BCORL1: variants seen among roughly 807,000 people sequenced by gnomAD.
BCORL1 encodes BCL-6 corepressor-like protein 1.
BCORL1 carries 7 observed loss-of-function variants against 87.6 expected under a neutral mutation model. That is an observed-to-expected ratio of 0.08 (90% CI 0.05 to 0.15). The LOEUF (loss-of-function observed/expected upper bound fraction) is 0.15. Among genes scored for constraint, BCORL1 ranks in the 10% least tolerant of loss-of-function variants. The pLI, the probability that BCORL1 is intolerant of heterozygous loss-of-function variation, is 1.00. For synonymous variants in BCORL1, 591 were observed against 634.4 expected, an observed-to-expected ratio of 0.93 and a Z score of 1.03; for missense variants, 1,215 against 1,499.7, an observed-to-expected ratio of 0.81 and a Z score of 3.13.
chrX:130,052,026 C>G lies in BCORL1; in HGVS notation c.5075+10C>G. ...TGTCAGTGTCCCGCGGGTAAGTGTC[C>G]GAGAGATCCACGGTGACTGAGTGTC... On this transcript the variant is annotated intron_variant, in intron 13 of 13. Coordinates refer to ENST00000540052, the MANE Select transcript of BCORL1 (RefSeq NM_001379451.1). 8.5e-7 allele frequency: 1 copy of G among 1,177,297 alleles called. No homozygotes were observed. Among genetic ancestry groups the G allele is most frequent in the Non-Finnish European group, 1.1e-6 (1 of 876,397 alleles).
intron 1 of BCORL1, among the ~76,000 whole-genome samples, chrX:129,992,477 C>T (rs778282715): frequency 9.9e-5 from 11 of 111,538 alleles, no homozygotes; most frequent in African/African-American, 3.6e-4. Context: ...ACTCTTTGAG[C>T]TAATACTGTT....
At chrX:129,994,521 C>T (rs182220899) in intron 1 of BCORL1, among the ~76,000 whole-genome samples, 3 of 111,287 alleles carry the variant, frequency 2.7e-5, no homozygotes, top group East Asian at 2.8e-4. Context: ...CCTCCTGAGG[C>T]GACTACTTTG....
chrX:130,014,050 G>A lies in BCORL1; in HGVS notation c.1278G>A (p.Gln426=). The part of the protein sequence containing the change: ...SLSRVCFPAA[Q]APAMQKVPLS... ...GTAGAGTGTGCTTTCCTGCAGCTCA[G>A]GCACCAGCTATGCAAAAAGTCCCCC... is the stretch of plus-strand genomic sequence containing the variant. Residue 426 remains glutamine, a synonymous_variant, in exon 4 of 14, where the codon CAG becomes CAA. Coordinates refer to ENST00000540052, the MANE Select transcript of BCORL1 (RefSeq NM_001379451.1). 8.3e-7 allele frequency: 1 copy of A among 1,208,650 alleles called. No individual in the cohort carries two copies. Among genetic ancestry groups the A allele is most frequent in the African/African-American group, 1.7e-5 (1 of 57,556 alleles).
At position 130,017,227 on chromosome X, in the gene BCORL1, C is replaced by T. The variant is rs185675258; in HGVS notation, c.3441+1014C>T. On this transcript the variant is annotated intron_variant, in intron 4 of 13. Coordinates refer to ENST00000540052, the MANE Select transcript of BCORL1 (RefSeq NM_001379451.1). The stretch of plus-strand genomic sequence containing the variant: ...GACCTCTGCCCCATCGCCCAAAGCT[C>T]ACCCAGGGACTGCAGGTTAAGAACC... Among the ~76,000 whole-genome samples the T allele has an allele frequency of 2.7e-4, 30 of 111,002 alleles. No homozygotes were observed. In the East Asian group the frequency reaches 8.2e-3, roughly 30 times the overall value.
chrX:130,017,048 T>A (rs1256324385), intron 4 of BCORL1, among the ~76,000 whole-genome samples: 1 of 112,177 alleles, frequency 8.9e-6, no homozygotes, highest in African/African-American at 3.2e-5. Flanking sequence ...GGGACAAAAT[T>A]TCTGGCTAGA....
At position 129,999,297 on chromosome X, in the gene BCORL1, C is replaced by CTTTTTT. The variant is rs1213156086; in HGVS notation, c.-44-5867_-44-5862dup. ...ACTTGTACTTTGTGTTGAAACACAT[C>CTTTTTT]TTTTTTTTTTTTTTTTTTTTTTTTT... On this transcript the variant is annotated intron_variant, in intron 1 of 13. Transcript: ENST00000540052. Among the ~76,000 whole-genome samples, 11 of 39,108 alleles carry CTTTTTT rather than the reference C, an allele frequency of 2.8e-4. 1 individual carries two copies. The highest frequency in any genetic ancestry group is 3.4e-4 in the African/African-American group (3 of 8,885). 34.0% of individuals were successfully genotyped at this position (39,108 alleles called of 115,157 possible).
chrX:130,030,679 C>T (rs1463343927), intron 8 of BCORL1, among the ~76,000 whole-genome samples: 2 of 111,241 alleles, frequency 1.8e-5, no homozygotes, highest in Non-Finnish European at 3.8e-5. Flanking sequence ...GCGTCTCAGG[C>T]TCCTGCTCCC....
intron 1 of BCORL1, among the ~76,000 whole-genome samples, chrX:129,999,379 G>T (rs757006780): frequency 2.1e-5 from 2 of 97,019 alleles, no homozygotes; most frequent in South Asian, 5.0e-4. Flanking sequence ...CGCCATCTCG[G>T]CTCACTGCAA....
At chrX:130,039,554 G>A (rs1931193426) in intron 11 of BCORL1, among the ~76,000 whole-genome samples, 1 of 113,280 alleles carries the variant, frequency 8.8e-6, no homozygotes, top group Non-Finnish European at 1.9e-5. Context: ...TAGGGATCTA[G>A]GGTGGGCCTC....
chrX:130,024,954 A>T, intron 6 of BCORL1, 36 bp from the exon 7 acceptor site: 1 of 1,189,758 alleles, frequency 8.4e-7, no homozygotes, highest in Non-Finnish European at 1.1e-6. Context: ...TCCTTTGAAG[A>T]AGTACCTGAC....
At chrX:130,035,717 G>A (rs1930897249) in intron 9 of BCORL1, among the ~76,000 whole-genome samples, 2 of 112,179 alleles carry the variant, frequency 1.8e-5, no homozygotes, top group Admixed American at 9.4e-5. Context: ...AATCCCTGCC[G>A]TCAAGGTTAA....
At chrX:129,999,961 A>T (rs1927914456) in intron 1 of BCORL1, among the ~76,000 whole-genome samples, 1 of 111,281 alleles carries the variant, frequency 9.0e-6, no homozygotes, top group Non-Finnish European at 1.9e-5. Flanking sequence ...GGTGTGAGCC[A>T]CCATGCCTGG....
intron 1 of BCORL1, among the ~76,000 whole-genome samples, chrX:130,003,648 G>A (rs1051944513): frequency 1.8e-5 from 2 of 111,775 alleles, no homozygotes; most frequent in African/African-American, 6.5e-5. Context: ...TGGGATTACA[G>A]GCATGAGCCA....
At chrX:130,054,998 G>A (rs1050666010) in intron 13 of BCORL1, among the ~76,000 whole-genome samples, 10 of 112,373 alleles carry the variant, frequency 8.9e-5, no homozygotes, top group African/African-American at 2.9e-4. Context: ...AAGGGAAACC[G>A]GTTAGGAGGC....
chrX:130,003,376 T>TCTTCTTC (rs1556039831), intron 1 of BCORL1, among the ~76,000 whole-genome samples: 13 of 99,047 alleles, frequency 1.3e-4, no homozygotes, highest in African/African-American at 4.9e-4. Context: ...TTCTTCTTCT[T>TCTTCTTC]TTTTTTTTTT....
Position 130,033,562 on chromosome X carries a change from A to G in BCORL1, c.4306-893A>G, listed in dbSNP as rs139892081. ...GCCCAGGTCTGCCTTAGATCTTTCT[A>G]CCACCCCAGGGGAGTCTGAGTATGA... On this transcript the variant is annotated intron_variant, in intron 8 of 13. Coordinates refer to ENST00000540052, the MANE Select transcript of BCORL1 (RefSeq NM_001379451.1). Among the ~76,000 whole-genome samples the G allele has an allele frequency of 3.8e-3, 424 of 112,391 alleles. 2 individuals are homozygous for G. Among genetic ancestry groups the G allele is most frequent in the African/African-American group, 0.012 (375 of 30,979 alleles).
In BCORL1 at chrX:130,013,494, T is replaced by C; in HGVS notation, c.722T>C (p.Val241Ala). 1.7e-6 allele frequency: 2 copies of C among 1,210,950 alleles called. No individual in the cohort carries two copies. The highest frequency in any genetic ancestry group is 2.2e-5 in the Admixed American group (1 of 46,004). The change falls in exon 4 of 14, where the codon GTT becomes GCT. Residue 241 changes from valine (V) to alanine (A), a missense_variant. Physicochemically the swap from Val to Ala is moderately conservative, Grantham distance 64 (BLOSUM62 0). Coordinates refer to ENST00000540052, the MANE Select transcript of BCORL1 (RefSeq NM_001379451.1). Reference sequence around the variant, plus strand: ...CATTCAGGGCTTGTTCCAGTCCAAGTTGCCACTTCGGTTCCAGCTCCTTCC... The same window carrying C: ...CATTCAGGGCTTGTTCCAGTCCAAGCTGCCACTTCGGTTCCAGCTCCTTCC... The part of the protein sequence containing the change: ...VPHSGLVPVQ[V>A]ATSVPAPSPP...
At chrX:130,022,795 CTT>C (rs1300410505) in intron 5 of BCORL1, 100 bp from the exon 6 acceptor site, 1 of 717,406 alleles carries the variant, frequency 1.4e-6, no homozygotes, top group Non-Finnish European at 2.2e-6. Flanking sequence ...AACACAAACT[CTT>C]TCTCAATCTT....
At chrX:130,032,430 C>A (rs942495828) in intron 8 of BCORL1, among the ~76,000 whole-genome samples, 1 of 112,161 alleles carries the variant, frequency 8.9e-6, no homozygotes, top group Non-Finnish European at 1.9e-5. Flanking sequence ...CACGAGTGAT[C>A]CAAAAGAGAG....
Sources: allele counts gnomAD v4.1 joint callset (sites outside exome capture counted in the v4.1 genomes callset), GRCh38; gene constraint gnomAD v4.1.1; transcripts MANE v1.5; gene names NCBI Gene and HGNC (gene_info 2026-07-23, HGNC 2026-07-21).